MICU1: variants seen among roughly 807,000 people sequenced by gnomAD.
MICU1 encodes the protein mitochondrial calcium uptake 1.
Under a neutral mutation model 56.8 loss-of-function variants are expected in MICU1, and 45 were observed. The ratio of observed to expected loss-of-function variants is 0.79; its 90% CI spans 0.62 to 1.02. MICU1 has a LOEUF of 1.02. Among genes scored for constraint, MICU1 ranks in the 50% least tolerant of loss-of-function variants. The pLI is 0.00. For missense variants in MICU1, 504 were observed against 587.1 expected, an observed-to-expected ratio of 0.86 and a Z score of 1.46; for synonymous variants, 186 against 195.1, an observed-to-expected ratio of 0.95 and a Z score of 0.39.
intron 1 of MICU1, among the ~76,000 whole-genome samples, chr10:72,610,252 T>C (rs1841807323): frequency 1.0e-5 from 1 of 95,962 alleles, no homozygotes; most frequent in Non-Finnish European, 2.2e-5. Context: ...CAGAGTGACA[T>C]ACTCTCCAAA....
intron 10 of MICU1, among the ~76,000 whole-genome samples, chr10:72,395,760 G>A (rs1863235090): frequency 6.6e-6 from 1 of 152,206 alleles, no homozygotes; most frequent in Non-Finnish European, 1.5e-5. Context: ...GCTTGATTAG[G>A]TAAACAAAGC....
intron 6 of MICU1, among the ~76,000 whole-genome samples, chr10:72,507,697 G>A (rs974230664): frequency 6.6e-6 from 1 of 152,050 alleles, no homozygotes; most frequent in African/African-American, 2.4e-5. Context: ...CCAGGCTGGA[G>A]GGTGGTGGCC....
At chr10:72,622,080 T>A (rs920635937) in intron 1 of MICU1, among the ~76,000 whole-genome samples, 11 of 152,024 alleles carry the variant, frequency 7.2e-5, no homozygotes, top group Non-Finnish European at 1.5e-5. Context: ...CACACTCGGC[T>A]AATTTTTTGT....
chr10:72,433,001 G>A (rs897545724), intron 8 of MICU1, among the ~76,000 whole-genome samples: 3 of 152,038 alleles, frequency 2.0e-5, no homozygotes, highest in Non-Finnish European at 1.5e-5. Context: ...GCAGTGACAC[G>A]ATCTCGGCTC....
At chr10:72,418,526 A>G (rs763919271) in intron 9 of MICU1, among the ~76,000 whole-genome samples, 5 of 152,204 alleles carry the variant, frequency 3.3e-5, no homozygotes, top group Non-Finnish European at 5.9e-5. Flanking sequence ...CTGTCTCTAT[A>G]TTCTCAAAAA....
At chr10:72,594,837 G>A (rs991473812) in intron 1 of MICU1, among the ~76,000 whole-genome samples, 1 of 148,938 alleles carries the variant, frequency 6.7e-6, no homozygotes, top group African/African-American at 2.5e-5. Context: ...TTGAGCCCAG[G>A]AGGTTGAGGC....
chr10:72,537,283 A>G (rs1839661004), intron 4 of MICU1, among the ~76,000 whole-genome samples: 1 of 152,062 alleles, frequency 6.6e-6, no homozygotes, highest in East Asian at 1.9e-4. Flanking sequence ...GAGTGTGGGG[A>G]ATGTGGATGG....
intron 6 of MICU1, among the ~76,000 whole-genome samples, chr10:72,501,210 A>G (rs1867057739): frequency 6.6e-6 from 1 of 152,142 alleles, no homozygotes; most frequent in South Asian, 2.1e-4. Flanking sequence ...TTAGAGAGAT[A>G]AGGTTTAAAG....
intron 8 of MICU1, among the ~76,000 whole-genome samples, chr10:72,449,709 G>A (rs1865235947): frequency 6.6e-6 from 1 of 151,830 alleles, no homozygotes; most frequent in African/African-American, 2.4e-5. Flanking sequence ...CAATTTTGTG[G>A]TACTTTTTCA....
chr10:72,598,112 T>C (rs1841426897), intron 1 of MICU1, among the ~76,000 whole-genome samples: 1 of 152,124 alleles, frequency 6.6e-6, no homozygotes, highest in Non-Finnish European at 1.5e-5. Flanking sequence ...TAACCAGAAC[T>C]AAAAGCATTA....
At chr10:72,521,445 T>A (rs1156638314) in intron 5 of MICU1, among the ~76,000 whole-genome samples, 1 of 152,132 alleles carries the variant, frequency 6.6e-6, no homozygotes, top group Non-Finnish European at 1.5e-5. Context: ...GAATTGGAAG[T>A]GGCTGACCTC....
intron 1 of MICU1, among the ~76,000 whole-genome samples, chr10:72,582,054 C>T (rs1386924479): frequency 6.6e-6 from 1 of 152,158 alleles, no homozygotes; most frequent in Non-Finnish European, 1.5e-5. Flanking sequence ...CTCAGCCTCC[C>T]TAGTAGCTGG....
chr10:72,529,408 A>AT (rs1048235655), intron 5 of MICU1, among the ~76,000 whole-genome samples: 3 of 152,190 alleles, frequency 2.0e-5, no homozygotes, highest in African/African-American at 7.2e-5. Flanking sequence ...TCAATAGACA[A>AT]TTTTATTGCT....
intron 2 of MICU1, among the ~76,000 whole-genome samples, 153 bp downstream of exon 2, chr10:72,566,463 GTTGAATTCTTTGAAACA>G (rs1840441657): frequency 6.6e-6 from 1 of 152,204 alleles, no homozygotes; most frequent in Non-Finnish European, 1.5e-5. Context: ...GCCTTAGCAT[GTTGAATTCTTTGAAACA>G]TCTTATTTCA....
rs541834349 is a variant in MICU1 at position 72,603,845 on chromosome 10, G to A, written c.-2+22165C>T. Reference sequence around the variant, plus strand: ...CAAACAAACAAACAAAAAAACACCTGTAAGGTGTACACTGGTTTGATCTGG... The same window carrying A: ...CAAACAAACAAACAAAAAAACACCTATAAGGTGTACACTGGTTTGATCTGG... On this transcript the variant is annotated intron_variant, in intron 1 of 11. Coordinates refer to ENST00000361114, the MANE Select transcript of MICU1 (RefSeq NM_001195518.2). Among the ~76,000 whole-genome samples the A allele has an allele frequency of 3.9e-5, 6 of 152,234 alleles. No individual in the cohort carries two copies. The South Asian group carries it at 1.0e-3, about 26-fold the overall frequency.
At chr10:72,566,871 TCTAATAAACA>T in intron 1 of MICU1, 77 bp from the exon 2 acceptor site, 1 of 1,263,330 alleles carries the variant, frequency 7.9e-7, no homozygotes, top group Non-Finnish European at 1.1e-6. Context: ...TACCAACATT[TCTAATAAACA>T]CTAAAGTAAT....
intron 8 of MICU1, among the ~76,000 whole-genome samples, chr10:72,428,533 C>T (rs1458697000): frequency 2.0e-5 from 3 of 152,126 alleles, no homozygotes; most frequent in Admixed American, 6.5e-5. Flanking sequence ...AGGCTGGTCT[C>T]GAACTCCTGA....
At chr10:72,613,316 C>T (rs1841901045) in intron 1 of MICU1, among the ~76,000 whole-genome samples, 1 of 150,152 alleles carries the variant, frequency 6.7e-6, no homozygotes, top group East Asian at 1.9e-4. Context: ...CTCTGTCACC[C>T]AGGCTGTAGT....
intron 3 of MICU1, among the ~76,000 whole-genome samples, chr10:72,552,393 T>A (rs1259772935): frequency 6.6e-6 from 1 of 152,166 alleles, no homozygotes; most frequent in Non-Finnish European, 1.5e-5. Context: ...ATTTATCTCA[T>A]ACCTGAATTT....
Sources: allele counts gnomAD v4.1 joint callset (sites outside exome capture counted in the v4.1 genomes callset), GRCh38; gene constraint gnomAD v4.1.1; transcripts MANE v1.5; gene names NCBI Gene and HGNC (gene_info 2026-07-23, HGNC 2026-07-21).